ZC3H3: variants seen among roughly 807,000 people sequenced by gnomAD.
The protein encoded by ZC3H3 is zinc finger CCCH-type containing 3, also known as zinc finger CCCH domain-containing protein 3.
A neutral mutation model predicts 77.3 loss-of-function variants in ZC3H3; 36 were observed. The ratio of observed to expected loss-of-function variants is 0.47; its 90% CI spans 0.36 to 0.61. The LOEUF (loss-of-function observed/expected upper bound fraction) is 0.61, where lower values mean the gene tolerates loss of function less well. Among genes scored for constraint, ZC3H3 ranks in the 20% least tolerant of loss-of-function variants. The pLI, the probability that ZC3H3 is intolerant of heterozygous loss-of-function variation, is 0.00. For missense variants in ZC3H3, 1,331 were observed against 1,312.2 expected, an observed-to-expected ratio of 1.01 and a Z score of -0.22; for synonymous variants, 626 against 555.2, an observed-to-expected ratio of 1.13 and a Z score of -1.79.
At chr8:143,442,405 G>T (rs1400001822) in intron 9 of ZC3H3, among the ~76,000 whole-genome samples, 3 of 121,898 alleles carry the variant, frequency 2.5e-5, no homozygotes, top group South Asian at 3.1e-4. Context: ...GGGGCCGGGG[G>T]GGGTGGGGGG....
chr8:143,480,747 G>A (rs939067945), intron 4 of ZC3H3, among the ~76,000 whole-genome samples: 2 of 152,352 alleles, frequency 1.3e-5, no homozygotes, highest in African/African-American at 4.8e-5. Context: ...CACTGCCTGC[G>A]GTGTCTCCGT....
intron 3 of ZC3H3, among the ~76,000 whole-genome samples, chr8:143,527,681 C>T (rs570159733): frequency 3.9e-5 from 6 of 152,302 alleles, no homozygotes; most frequent in South Asian, 2.1e-4. Context: ...TGCCCTTTCA[C>T]GGGGTTCACC....
chr8:143,540,582 A>G (rs1355378735), intron 1 of ZC3H3, among the ~76,000 whole-genome samples: 3 of 152,088 alleles, frequency 2.0e-5, no homozygotes. Context: ...TTAATGTTTA[A>G]GTGTGGAAGC....
At chr8:143,498,489 G>A (rs1376811251) in intron 4 of ZC3H3, among the ~76,000 whole-genome samples, 1 of 152,142 alleles carries the variant, frequency 6.6e-6, no homozygotes, top group African/African-American at 2.4e-5. Context: ...GCGAGGAAGG[G>A]CCGTGGAGGC....
intron 9 of ZC3H3, among the ~76,000 whole-genome samples, chr8:143,458,482 T>C (rs1156560294): frequency 1.1e-5 from 1 of 94,072 alleles, no homozygotes; most frequent in Non-Finnish European, 2.3e-5. Flanking sequence ...CCCCAGTATT[T>C]AGGGAGGCAG....
intron 3 of ZC3H3, among the ~76,000 whole-genome samples, chr8:143,518,798 AC>A (rs1822145946): frequency 6.6e-6 from 1 of 152,190 alleles, no homozygotes; most frequent in Non-Finnish European, 1.5e-5. Flanking sequence ...GCAACTGGGG[AC>A]CCTGAGAAGG....
intron 3 of ZC3H3, among the ~76,000 whole-genome samples, chr8:143,511,341 G>A (rs193065729): frequency 7.2e-5 from 11 of 152,352 alleles, no homozygotes; most frequent in African/African-American, 1.7e-4. Flanking sequence ...GATGGGGGTC[G>A]CAGCCTTGCT....
chr8:143,449,886 C>A (rs1454599562), intron 9 of ZC3H3, among the ~76,000 whole-genome samples: 1 of 151,646 alleles, frequency 6.6e-6, no homozygotes, highest in Non-Finnish European at 1.5e-5. Flanking sequence ...AACCTTTGCT[C>A]CAGTTCCCAA....
intron 2 of ZC3H3, among the ~76,000 whole-genome samples, chr8:143,536,941 C>T (rs1822819145): frequency 6.6e-6 from 1 of 152,000 alleles, no homozygotes; most frequent in Non-Finnish European, 1.5e-5. Context: ...AGCAGAGTTG[C>T]CACCGAGAAA....
chr8:143,531,926 G>T (rs1048132607), intron 3 of ZC3H3, among the ~76,000 whole-genome samples: 2 of 152,202 alleles, frequency 1.3e-5, no homozygotes, highest in African/African-American at 4.8e-5. Context: ...GAAATGGCCC[G>T]GCTCTTAGCC....
intron 3 of ZC3H3, among the ~76,000 whole-genome samples, chr8:143,515,493 C>T (rs944756573): frequency 2.0e-5 from 3 of 152,264 alleles, no homozygotes; most frequent in Admixed American, 1.3e-4. Context: ...GTGGGCACCA[C>T]GGGAGGCTCA....
chr8:143,511,060 T>C (rs1057320385), intron 3 of ZC3H3, among the ~76,000 whole-genome samples: 7 of 152,194 alleles, frequency 4.6e-5, no homozygotes, highest in Non-Finnish European at 7.4e-5. Context: ...TGGCATCATA[T>C]GTGAATGAGA....
Position 143,536,418 on chromosome 8 carries a change from G to A in ZC3H3, c.1400C>T (p.Ala467Val), listed in dbSNP as rs1822801756. Reference protein sequence around the residue: ...PGDKKSGTSPAATAKSHLSLR... With the variant: ...PGDKKSGTSPVATAKSHLSLR... Reference sequence around the variant, plus strand: ...GCTGAGGTGGCTCTTGGCGGTGGCGGCAGGTGAGGTGCCGCTTTTCTTGTC... The same window carrying A: ...GCTGAGGTGGCTCTTGGCGGTGGCGACAGGTGAGGTGCCGCTTTTCTTGTC... The change falls in exon 3 of 12, where the codon GCC (alanine) becomes GTC (valine). Residue 467 changes from alanine to valine, a missense_variant. Ala to Val is a moderately conservative substitution (Grantham distance 64). This residue lies in a region of ZC3H3 where 978 missense variants were observed against 915.5 expected (regional missense o/e 1.07). Coordinates refer to ENST00000262577, the MANE Select transcript of ZC3H3 (RefSeq NM_015117.3). 1.9e-6 allele frequency: 3 copies of A among 1,547,338 alleles called. No individual in the cohort carries two copies. The highest frequency in any genetic ancestry group is 2.6e-6 in the Non-Finnish European group (3 of 1,143,592).
intron 4 of ZC3H3, among the ~76,000 whole-genome samples, chr8:143,481,794 C>T (rs975595522): frequency 6.6e-6 from 1 of 152,248 alleles, no homozygotes; most frequent in Non-Finnish European, 1.5e-5. Context: ...CAGCCAGTGT[C>T]GGTCAGCAGT....
chr8:143,492,287 G>A (rs1242380700), intron 4 of ZC3H3, among the ~76,000 whole-genome samples: 1 of 152,144 alleles, frequency 6.6e-6, no homozygotes, highest in African/African-American at 2.4e-5. Context: ...CACAGTCAGG[G>A]GATACACACC....
Position 143,467,589 on chromosome 8 carries a change from G to A in ZC3H3, c.2175+620C>T, listed in dbSNP as rs542152266. Among the ~76,000 whole-genome samples, 7 of 152,350 alleles carry A rather than the reference G, an allele frequency of 4.6e-5. No homozygotes were observed. In the South Asian group the frequency reaches 1.4e-3, roughly 32 times the overall value. ...AAGGCAGCCCTCACTCCACTCGCAT[G>A]CTGTGGTCACACCGTGGCTGAGTCC... is the stretch of plus-strand genomic sequence containing the variant. On this transcript the variant is annotated intron_variant, in intron 8 of 11. Coordinates refer to ENST00000262577, the MANE Select transcript of ZC3H3 (RefSeq NM_015117.3).
intron 3 of ZC3H3, among the ~76,000 whole-genome samples, chr8:143,516,967 C>A (rs926605030): frequency 5.9e-5 from 9 of 152,214 alleles, no homozygotes; most frequent in African/African-American, 1.9e-4. Context: ...CCCTGTCCCC[C>A]CCGTGTGGGA....
rs1822881461 is a variant in ZC3H3 at position 143,538,466 on chromosome 8, A to G, written c.901T>C (p.Cys301Arg). The G allele has an allele frequency of 6.2e-7, 1 of 1,613,112 alleles. No homozygotes were observed. The highest frequency in any genetic ancestry group is 8.5e-7 in the Non-Finnish European group (1 of 1,180,036). The change falls in exon 2 of 12, where the codon TGT (cysteine) becomes CGT (arginine). Residue 301 changes from cysteine (C) to arginine (R), a missense_variant. By Grantham distance (180) the Cys-to-Arg change is radical (BLOSUM62 -3). This residue lies in a region of ZC3H3 where 978 missense variants were observed against 915.5 expected (regional missense o/e 1.07). Coordinates refer to ENST00000262577, the MANE Select transcript of ZC3H3 (RefSeq NM_015117.3). Reference protein sequence around the residue: ...QAREASLVVTCRTNKFRKNNY... With the variant: ...QAREASLVVTRRTNKFRKNNY... ...TTTTTCCGGAACTTGTTAGTTCGAC[A>G]GGTCACAACCAGCGAGGCCTCCCGG...
At chr8:143,523,422 C>T (rs1382413661) in intron 3 of ZC3H3, 2 of 985,328 alleles carry the variant, frequency 2.0e-6, no homozygotes, top group African/African-American at 3.5e-5. Flanking sequence ...GGTGCCCTGT[C>T]TGGAAGGTGA....
Sources: allele counts gnomAD v4.1 joint callset (sites outside exome capture counted in the v4.1 genomes callset), GRCh38; gene constraint gnomAD v4.1.1; regional missense constraint gnomAD v4.1.1; transcripts MANE v1.5; gene names NCBI Gene and HGNC (gene_info 2026-07-23, HGNC 2026-07-21).